Variants in POGZ observed in about 807,000 individuals in gnomAD.
The protein encoded by POGZ is pogo transposable element derived with ZNF domain, also known as pogo transposable element with ZNF domain.
Under a neutral mutation model 134.6 loss-of-function variants are expected in POGZ, and 17 were observed. The ratio of observed to expected loss-of-function variants is 0.13; its 90% CI spans 0.09 to 0.19. The LOEUF (loss-of-function observed/expected upper bound fraction) is 0.19, where lower values mean the gene tolerates loss of function less well. Among genes scored for constraint, POGZ ranks in the 10% least tolerant of loss-of-function variants. The probability of loss-of-function intolerance (pLI) is 1.00; values close to 1 mark genes in which losing one functional copy is unlikely to be tolerated. For synonymous variants in POGZ, 693 were observed against 657.1 expected, an observed-to-expected ratio of 1.05 and a Z score of -0.84; for missense variants, 1,306 against 1,769.7, an observed-to-expected ratio of 0.74 and a Z score of 4.70.
In POGZ at chr1:151,458,880, GCCGCCGGCCCTTCGCGCGGCTC is replaced by G. The variant is rs1194830091; in HGVS notation, c.-2+250_-2+271del. Among the ~76,000 whole-genome samples, 1,067 of 145,436 alleles carry G rather than the reference GCCGCCGGCCCTTCGCGCGGCTC, an allele frequency of 7.3e-3. 12 individuals are homozygous for G. The highest frequency in any genetic ancestry group is 0.025 in the African/African-American group (1,001 of 40,652). ...GGCCAGCCGGCAGGCAGGGACCTCC[GCCGCCGGCCCTTCGCGCGGCTC>G]CCGCGGCCCGGGGCGCACGCACACA... On this transcript the variant is annotated intron_variant, in intron 1 of 18. Coordinates refer to ENST00000271715, the MANE Select transcript of POGZ (RefSeq NM_015100.4).
At chr1:151,442,420 G>C in intron 1 of POGZ, 1 of 380,038 alleles carries the variant, frequency 2.6e-6, no homozygotes. Flanking sequence ...TTAATAATTA[G>C]GGTTACAGGC....
chr1:151,453,743 A>G (rs921313318), intron 1 of POGZ, among the ~76,000 whole-genome samples: 1 of 152,200 alleles, frequency 6.6e-6, no homozygotes, highest in African/African-American at 2.4e-5. Context: ...GGAGTACCAG[A>G]TAAATACTCT....
At chr1:151,452,426 T>G (rs906142182) in intron 1 of POGZ, among the ~76,000 whole-genome samples, 2 of 151,782 alleles carry the variant, frequency 1.3e-5, no homozygotes, top group Admixed American at 1.3e-4. Context: ...TCACGGCTTA[T>G]TGCAGCCTCA....
intron 3 of POGZ, among the ~76,000 whole-genome samples, chr1:151,438,806 G>A (rs1660048373): frequency 6.6e-6 from 1 of 152,032 alleles, no homozygotes; most frequent in East Asian, 1.9e-4. Context: ...GAGCCACAGA[G>A]GTTGAGGCTG....
chr1:151,405,192 C>T lies in POGZ; in HGVS notation c.3843G>A (p.Lys1281=). The change falls in exon 19 of 19, where the codon AAG becomes AAA. Residue 1281 remains lysine (K), a synonymous_variant. Transcript: ENST00000271715. This position sits in a 1 kb window ranked among gnomAD's most constrained non-coding sequence, Gnocchi z 4.9. The part of the protein sequence containing the change: ...TVKNFLHKKW[K]EQAREMADTA... ...TATCTGCCATTTCCCGAGCCTGTTC[C>T]TTCCATTTTTTATGCAGGAAGTTCT... The T allele has an allele frequency of 6.2e-7, 1 of 1,614,170 alleles. No individual in the cohort carries two copies. The highest frequency in any genetic ancestry group is 8.5e-7 in the Non-Finnish European group (1 of 1,180,008).
At chr1:151,428,934 G>A (rs1270390448) in intron 5 of POGZ, among the ~76,000 whole-genome samples, 2 of 152,024 alleles carry the variant, frequency 1.3e-5, no homozygotes, top group African/African-American at 4.8e-5. Flanking sequence ...AGGGTAAGCT[G>A]GTCAGACTTA....
At chr1:151,454,513 C>G (rs1049985348) in intron 1 of POGZ, among the ~76,000 whole-genome samples, 3 of 152,176 alleles carry the variant, frequency 2.0e-5, no homozygotes, top group African/African-American at 4.8e-5. Context: ...CCTAAAATTT[C>G]CAAACTCAAA....
intron 10 of POGZ, among the ~76,000 whole-genome samples, chr1:151,418,399 T>G (rs761362665): frequency 6.6e-6 from 1 of 151,688 alleles, no homozygotes; most frequent in African/African-American, 2.4e-5. Context: ...GTAGATCTCA[T>G]GGAGAGAGAG....
intron 1 of POGZ, among the ~76,000 whole-genome samples, chr1:151,454,738 A>C (rs574593780): frequency 6.6e-6 from 1 of 152,158 alleles, no homozygotes; most frequent in Non-Finnish European, 1.5e-5. Flanking sequence ...CTATGCTTTC[A>C]ATTTCTTTTA....
chr1:151,446,274 ACG>A (rs1557945317), intron 1 of POGZ, among the ~76,000 whole-genome samples: 13 of 126,204 alleles, frequency 1.0e-4, no homozygotes, highest in African/African-American at 1.1e-4. Flanking sequence ...AAAAAAAAAA[ACG>A]AATTTTATTC....
chr1:151,436,481 T>C (rs188779144), intron 3 of POGZ, among the ~76,000 whole-genome samples: 5 of 152,226 alleles, frequency 3.3e-5, no homozygotes, highest in African/African-American at 1.2e-4. Flanking sequence ...TTTCCTCTTG[T>C]TGCCCAGGCT....
chr1:151,446,263 A>AAC (rs1344313256), intron 1 of POGZ, among the ~76,000 whole-genome samples: 2 of 128,686 alleles, frequency 1.6e-5, no homozygotes, highest in African/African-American at 5.2e-5. Flanking sequence ...GGAAAAAAAA[A>AAC]AAAAAAAAAA....
Position 151,429,628 on chromosome 1 carries a change from C to T in POGZ, c.543G>A (p.Thr181=), listed in dbSNP as rs781754400. The part of the protein sequence containing the change: ...GIVLNVQQGQ[T]VRPITLVPAP... Reference sequence around the variant, plus strand: ...CTGGAACTAGTGTAATTGGTCTAACCGTTTGGCCTTGCTGTACGTTCAGCA... The same window carrying T: ...CTGGAACTAGTGTAATTGGTCTAACTGTTTGGCCTTGCTGTACGTTCAGCA... The change falls in exon 5 of 19, where the codon ACG becomes ACA. Residue 181 remains threonine (T), a synonymous_variant. Coordinates refer to ENST00000271715, the MANE Select transcript of POGZ (RefSeq NM_015100.4). 2.5e-6 allele frequency: 4 copies of T among 1,605,666 alleles called. No homozygotes were observed. Among genetic ancestry groups the T allele is most frequent in the Admixed American group, 1.7e-5 (1 of 59,958 alleles).
Position 151,441,074 on chromosome 1 carries a change from T to C in POGZ, c.137A>G (p.Gln46Arg), listed in dbSNP as rs759630728. 2 of 1,613,750 alleles carry C rather than the reference T, an allele frequency of 1.2e-6. No homozygotes were observed. Among genetic ancestry groups the C allele is most frequent in the East Asian group, 2.2e-5 (1 of 44,876 alleles). The change falls in exon 3 of 19, where the codon CAG becomes CGG. Residue 46 changes from glutamine (Q) to arginine (R), a missense_variant. Coordinates refer to ENST00000271715, the MANE Select transcript of POGZ (RefSeq NM_015100.4). ...VDKTTTVSVS[Q>R]QPVSAPVPIA... ...GGGCACTGGAGCCGAGACTGGCTGC[T>C]GGCTCACAGAAACTGTGGGGAAGGG...
At chr1:151,441,673 A>T (rs1049444214) in intron 2 of POGZ, among the ~76,000 whole-genome samples, 5 of 152,140 alleles carry the variant, frequency 3.3e-5, no homozygotes, top group Admixed American at 6.6e-5. Context: ...TTTCTACTCC[A>T]CTCACAAAGG....
intron 1 of POGZ, among the ~76,000 whole-genome samples, chr1:151,458,484 A>G (rs2102449888): frequency 6.6e-6 from 1 of 152,024 alleles, no homozygotes; most frequent in African/African-American, 2.4e-5. Context: ...TACATAACAC[A>G]AGGGATCGGC....
intron 3 of POGZ, among the ~76,000 whole-genome samples, chr1:151,440,063 A>C (rs1428411900): frequency 6.6e-6 from 1 of 152,154 alleles, no homozygotes; most frequent in African/African-American, 2.4e-5. Flanking sequence ...TTTTTGTCAA[A>C]TGAAAATCAC....
At chr1:151,452,202 C>A (rs1011823825) in intron 1 of POGZ, among the ~76,000 whole-genome samples, 2 of 149,648 alleles carry the variant, frequency 1.3e-5, no homozygotes, top group African/African-American at 2.5e-5. Flanking sequence ...ATCTGGGAAA[C>A]AGAACCGATC....
chr1:151,435,022 C>T (rs1192742940), intron 3 of POGZ, among the ~76,000 whole-genome samples: 3 of 151,906 alleles, frequency 2.0e-5, no homozygotes, highest in Admixed American at 6.6e-5. Flanking sequence ...TGCTCAGCCT[C>T]CCAAGTAGCT....
Sources: allele counts gnomAD v4.1 joint callset (sites outside exome capture counted in the v4.1 genomes callset), GRCh38; gene constraint gnomAD v4.1.1; non-coding constraint Gnocchi (gnomAD v3.1); transcripts MANE v1.5; gene names NCBI Gene and HGNC (gene_info 2026-07-23, HGNC 2026-07-21).